Variants in CPNE5 observed in about 807,000 individuals in gnomAD.
CPNE5 encodes copine 5.
CPNE5 carries 42 observed loss-of-function variants against 81.1 expected under a neutral mutation model. The observed-to-expected ratio is 0.52, with a 90% CI of 0.40 to 0.67. CPNE5 has a LOEUF of 0.67. Among genes scored for constraint, CPNE5 ranks in the 30% least tolerant of loss-of-function variants. The pLI, the probability that CPNE5 is intolerant of heterozygous loss-of-function variation, is 0.00. For missense variants in CPNE5, 612 were observed against 815.5 expected (o/e 0.75, Z 3.04); for synonymous variants, 313 against 321.5 (o/e 0.97, Z 0.28).
chr6:36,777,277 C>T (rs761852194), intron 9 of CPNE5, among the ~76,000 whole-genome samples: 3 of 151,836 alleles, frequency 2.0e-5, no homozygotes, highest in Non-Finnish European at 2.9e-5. Flanking sequence ...TGCATTTCCA[C>T]GGCACAGCTC....
intron 3 of CPNE5, among the ~76,000 whole-genome samples, chr6:36,806,715 G>A (rs1302368775): frequency 2.0e-5 from 3 of 152,144 alleles, no homozygotes; most frequent in African/African-American, 4.8e-5. Context: ...TCAATTGAAC[G>A]TAAACCAAGA....
At chr6:36,836,112 C>T (rs1415095900) in intron 1 of CPNE5, among the ~76,000 whole-genome samples, 2 of 152,166 alleles carry the variant, frequency 1.3e-5, no homozygotes, top group Non-Finnish European at 2.9e-5. Context: ...GCCAAATAAC[C>T]AAAGGCTTTC....
At chr6:36,758,349 G>A (rs1765689073) in intron 12 of CPNE5, among the ~76,000 whole-genome samples, 1 of 151,764 alleles carries the variant, frequency 6.6e-6, no homozygotes, top group Non-Finnish European at 1.5e-5. Context: ...TGGGGTCATA[G>A]CTCACTGTGG....
At chr6:36,799,804 G>A (rs1769944042) in intron 4 of CPNE5, among the ~76,000 whole-genome samples, 163 bp downstream of exon 4, 2 of 152,130 alleles carry the variant, frequency 1.3e-5, no homozygotes, top group African/African-American at 4.8e-5. Context: ...CATCTCTCCT[G>A]GTAAGGGTGC....
Position 36,765,451 on chromosome 6 carries a change from TTCCCGGACCAGATAGGGAGGCCAGGAC to T in CPNE5, c.738-102_738-76del, listed in dbSNP as rs1766476600. ...GGCTGAGGATGGGGCCCTCTTCATG[TTCCCGGACCAGATAGGGAGGCCAGGAC>T]TCCCTCTGGGCCCCAGGGCCCTGGG... On this transcript the variant is annotated intron_variant, in intron 10 of 20. Transcript: ENST00000244751. The T allele has an allele frequency of 1.9e-6, 3 of 1,562,132 alleles. No individual in the cohort carries two copies. In the Admixed American group the frequency reaches 5.1e-5, roughly 26 times the overall value.
At chr6:36,789,716 C>A (rs888526257) in intron 8 of CPNE5, among the ~76,000 whole-genome samples, 1 of 152,170 alleles carries the variant, frequency 6.6e-6, no homozygotes, top group African/African-American at 2.4e-5. Context: ...TCAGCAGACA[C>A]GTGTGTTTTG....
At chr6:36,787,786 G>A (rs1198004787) in intron 8 of CPNE5, among the ~76,000 whole-genome samples, 1 of 152,164 alleles carries the variant, frequency 6.6e-6, no homozygotes, top group Non-Finnish European at 1.5e-5. Context: ...AGAGAGATGA[G>A]GCACACCCTT....
intron 13 of CPNE5, chr6:36,754,408 A>T (rs529553929): frequency 6.0e-4 from 92 of 152,254 alleles, no homozygotes; most frequent in African/African-American, 2.1e-3. Flanking sequence ...CGTCAGCATC[A>T]CCTCGATGCC....
chr6:36,794,669 G>C lies in CPNE5; in HGVS notation c.405-20C>G. The C allele has an allele frequency of 6.2e-7, 1 of 1,612,534 alleles. No homozygotes were observed. The highest frequency in any genetic ancestry group is 8.5e-7 in the Non-Finnish European group (1 of 1,179,014). On this transcript the variant is annotated intron_variant, in intron 6 of 20. Transcript: ENST00000244751. Reference sequence around the variant, plus strand: ...CCTATCCTGTGGAGAGAGAGGGGGAGAGAGAGCATGCCATGAGCTGAGTAC... The same window carrying C: ...CCTATCCTGTGGAGAGAGAGGGGGACAGAGAGCATGCCATGAGCTGAGTAC...
chr6:36,833,093 C>T (rs952932566), intron 1 of CPNE5, among the ~76,000 whole-genome samples: 8 of 152,186 alleles, frequency 5.3e-5, no homozygotes, highest in Admixed American at 4.6e-4. Flanking sequence ...ATAGTTGGTA[C>T]TCAGGCCTCC....
chr6:36,787,633 TA>T (rs1348571842), intron 8 of CPNE5, among the ~76,000 whole-genome samples: 34 of 152,242 alleles, frequency 2.2e-4, no homozygotes, highest in African/African-American at 6.7e-4. Context: ...CATACTAAAT[TA>T]AAAATTCTGG....
intron 1 of CPNE5, among the ~76,000 whole-genome samples, chr6:36,825,151 C>G (rs903298931): frequency 6.6e-6 from 1 of 152,148 alleles, no homozygotes; most frequent in Non-Finnish European, 1.5e-5. Context: ...GCAGTGACAG[C>G]CTGTCGGGCA....
intron 3 of CPNE5, among the ~76,000 whole-genome samples, chr6:36,819,051 TAGTAAAC>T (rs1332726966): frequency 6.6e-6 from 1 of 152,232 alleles, no homozygotes; most frequent in Non-Finnish European, 1.5e-5. Flanking sequence ...CAGGGTGGAA[TAGTAAAC>T]TTTAGCCCAG....
In CPNE5 at chr6:36,839,051, C is replaced by T. The variant is rs1031561901; in HGVS notation, c.95+232G>A. On this transcript the variant is annotated intron_variant, in intron 1 of 20. Transcript: ENST00000244751. This position sits in a 1 kb window ranked among gnomAD's most constrained non-coding sequence, Gnocchi z 7.3. ...GTGTCTTCATATCTCCTCGATGCAA[C>T]AGCCTGGAGCGCAAACTTTCTGGGA... 2.0e-5 allele frequency among the ~76,000 whole-genome samples: 3 copies of T among 152,242 alleles called. No homozygotes were observed. The highest frequency in any genetic ancestry group is 4.4e-5 in the Non-Finnish European group (3 of 68,048).
intron 3 of CPNE5, among the ~76,000 whole-genome samples, chr6:36,800,531 T>C (rs1040495788): frequency 2.0e-5 from 3 of 152,220 alleles, no homozygotes; most frequent in Non-Finnish European, 4.4e-5. Context: ...ATTAGGTGTG[T>C]ACTTATTTGA....
At chr6:36,749,851 G>C (rs1438982557) in intron 14 of CPNE5, among the ~76,000 whole-genome samples, 1 of 152,176 alleles carries the variant, frequency 6.6e-6, no homozygotes. Context: ...TAGGTTTTGA[G>C]GATTCAGATT....
chr6:36,784,718 G>A (rs1178751066), intron 8 of CPNE5, among the ~76,000 whole-genome samples: 1 of 152,120 alleles, frequency 6.6e-6, no homozygotes, highest in Non-Finnish European at 1.5e-5. Flanking sequence ...GAAGTAGGAG[G>A]ATCGCCTGAG....
chr6:36,750,283 G>A (rs1168858443), intron 14 of CPNE5, among the ~76,000 whole-genome samples: 1 of 152,210 alleles, frequency 6.6e-6, no homozygotes, highest in African/African-American at 2.4e-5. Context: ...CACAGACACA[G>A]CAGAAGGTCC....
At chr6:36,747,783 C>A (rs1582699969) in intron 15 of CPNE5, among the ~76,000 whole-genome samples, 1 of 152,244 alleles carries the variant, frequency 6.6e-6, no homozygotes, top group South Asian at 2.1e-4. Context: ...GAAGCCAGGG[C>A]AGCCCCAGCC....
Sources: allele counts gnomAD v4.1 joint callset (sites outside exome capture counted in the v4.1 genomes callset), GRCh38; gene constraint gnomAD v4.1.1; non-coding constraint Gnocchi (gnomAD v3.1); transcripts MANE v1.5; gene names NCBI Gene and HGNC (gene_info 2026-07-23, HGNC 2026-07-21).